Variants in CELF2 observed in about 807,000 individuals in gnomAD.
CELF2 encodes the protein CUGBP Elav-like family member 2, also known as CUG triplet repeat RNA-binding protein 2.
CELF2 carries 8 observed loss-of-function variants against 62.6 expected under a neutral mutation model. The ratio of observed to expected loss-of-function variants is 0.13; its 90% CI spans 0.07 to 0.23. CELF2 has a LOEUF of 0.23. Ranked by LOEUF, CELF2 falls within the 10% of genes least tolerant of loss-of-function variation. The pLI is 1.00. For synonymous variants in CELF2, 258 were observed against 250.0 expected (o/e 1.03, Z -0.30); for missense variants, 333 against 671.0 (o/e 0.50, Z 5.56).
intron 1 of CELF2, among the ~76,000 whole-genome samples, chr10:11,065,531 C>T (rs112011063): frequency 2.0e-5 from 3 of 152,220 alleles, no homozygotes; most frequent in African/African-American, 4.8e-5. Flanking sequence ...TAAGGAGCTC[C>T]AGTCGTTGTT....
chr10:11,315,012 AC>A lies in CELF2; in HGVS notation c.1096+756del, dbSNP rs1056122410. 2.0e-5 allele frequency among the ~76,000 whole-genome samples: 3 copies of A among 152,076 alleles called. No individual in the cohort carries two copies. Among genetic ancestry groups the A allele is most frequent in the African/African-American group, 7.2e-5 (3 of 41,428 alleles). Reference sequence around the variant, plus strand: ...GGTTCCGAAACATATGGATGGACTCACCAGAGAACTGCAGGTTCTGTCCTCC... The same window carrying A: ...GGTTCCGAAACATATGGATGGACTCACAGAGAACTGCAGGTTCTGTCCTCC... On this transcript the variant is annotated intron_variant, in intron 10 of 12. Transcript: ENST00000633077. The surrounding 1 kb of genome is among the most constrained non-coding windows in gnomAD (Gnocchi z 5.8).
intron 3 of CELF2, among the ~76,000 whole-genome samples, chr10:11,241,954 C>A (rs536641707): frequency 6.6e-6 from 1 of 152,274 alleles, no homozygotes; most frequent in East Asian, 1.9e-4. Context: ...AGTCAATATA[C>A]AAGCGAGACA....
chr10:10,675,923 T>G, the CELF2 span, among the ~76,000 whole-genome samples: 1 of 152,228 alleles, frequency 6.6e-6, no homozygotes, highest in South Asian at 2.1e-4. Context: ...TTAAATTCCC[T>G]CTCTGATAAT....
At chr10:10,623,932 G>C in the CELF2 span, among the ~76,000 whole-genome samples, 1 of 152,212 alleles carries the variant, frequency 6.6e-6, no homozygotes, top group East Asian at 1.9e-4. Flanking sequence ...CAGGTAGTCT[G>C]ACTGCAGAGA....
the CELF2 span, among the ~76,000 whole-genome samples, chr10:10,688,770 C>A: frequency 1.3e-5 from 2 of 151,938 alleles, no homozygotes; most frequent in African/African-American, 2.4e-5. Flanking sequence ...CACTTAGAGA[C>A]AAGAGTGTCA....
intron 7 of CELF2, among the ~76,000 whole-genome samples, chr10:11,272,768 A>T (rs190180507): frequency 4.7e-4 from 71 of 152,346 alleles, no homozygotes; most frequent in African/African-American, 1.5e-3. Flanking sequence ...GCCTTGAGTG[A>T]TAGATTCTGA....
chr10:10,689,690 G>A, the CELF2 span, among the ~76,000 whole-genome samples: 57 of 152,168 alleles, frequency 3.7e-4, no homozygotes, highest in East Asian at 3.9e-4. Context: ...CAGATTCACC[G>A]AAGAACCTGG....
intron 1 of CELF2, among the ~76,000 whole-genome samples, chr10:10,885,548 A>G (rs1375759421): frequency 6.6e-6 from 1 of 152,036 alleles, no homozygotes; most frequent in Non-Finnish European, 1.5e-5. Context: ...AGCTCACAGA[A>G]CAGTTTTTTT....
intron 1 of CELF2, among the ~76,000 whole-genome samples, chr10:11,038,983 GTCT>G (rs1269813003): frequency 2.6e-5 from 4 of 152,334 alleles, no homozygotes; most frequent in African/African-American, 9.6e-5. Flanking sequence ...AAAGCCAGCA[GTCT>G]TCTTGTTTCA....
chr10:10,648,906 C>T, the CELF2 span, among the ~76,000 whole-genome samples: 2 of 152,110 alleles, frequency 1.3e-5, no homozygotes, highest in African/African-American at 4.8e-5. Context: ...AGGGGCGCAC[C>T]GCTTACAGAT....
At chr10:11,034,723 A>T (rs984213907) in intron 1 of CELF2, among the ~76,000 whole-genome samples, 4 of 152,166 alleles carry the variant, frequency 2.6e-5, no homozygotes, top group African/African-American at 9.7e-5. Context: ...GTCAGGTTGA[A>T]TCTGGTATGA....
chr10:11,267,159 A>C lies in CELF2; in HGVS notation c.618+482A>C, dbSNP rs749682548. ...TCAAACAGCATTGTGTTTTTACATC[A>C]AGAATGTTGGAGAAAGTTAATATTT... On this transcript the variant is annotated intron_variant, in intron 6 of 12. Coordinates refer to ENST00000633077, the MANE Select transcript of CELF2 (RefSeq NM_001326342.2). The surrounding 1 kb of genome is among the most constrained non-coding windows in gnomAD (Gnocchi z 4.4). Among the ~76,000 whole-genome samples, 4 of 152,232 alleles carry C rather than the reference A, an allele frequency of 2.6e-5. No homozygotes were observed. The highest frequency in any genetic ancestry group is 4.4e-5 in the Non-Finnish European group (3 of 68,040).
In CELF2 at chr10:11,333,256, G is replaced by GAGAC. The variant is rs1455321820; in HGVS notation, c.*4205_*4208dup. ...CTTCTCCAAAAAATAACCTTCCACAGAGACAAACTGTCCTTCTATCCACTT... is the reference window on the plus strand; with the variant it reads ...CTTCTCCAAAAAATAACCTTCCACAGAGACAGACAAACTGTCCTTCTATCCACTT... On this transcript the variant is annotated 3_prime_UTR_variant, in exon 13 of 13. Coordinates refer to ENST00000633077, the MANE Select transcript of CELF2 (RefSeq NM_001326342.2). The GAGAC allele has an allele frequency of 6.6e-6, 1 of 152,390 alleles. No individual in the cohort carries two copies. The highest frequency in any genetic ancestry group is 1.5e-5 in the Non-Finnish European group (1 of 68,030). The allele number at this position is 152,390 out of a possible 1,614,324, so 9.4% of individuals were successfully genotyped here.
intron 2 of CELF2, among the ~76,000 whole-genome samples, chr10:11,170,866 C>A (rs192825937): frequency 3.9e-5 from 6 of 152,130 alleles, no homozygotes; most frequent in Non-Finnish European, 8.8e-5. Flanking sequence ...TCTGAGAAAG[C>A]GTGTTCTATA....
At chr10:10,528,162 TG>T in the CELF2 span, among the ~76,000 whole-genome samples, 1 of 151,154 alleles carries the variant, frequency 6.6e-6, no homozygotes, top group South Asian at 2.1e-4. Context: ...TCCTGTTTTG[TG>T]TGTGTGTGTG....
chr10:10,522,833 G>T, the CELF2 span, among the ~76,000 whole-genome samples: 1 of 152,176 alleles, frequency 6.6e-6, no homozygotes, highest in Non-Finnish European at 1.5e-5. Context: ...GCCTCCCAAA[G>T]TGCTGGGATT....
At chr10:11,067,196 A>G (rs927391847) in intron 1 of CELF2, among the ~76,000 whole-genome samples, 1 of 152,204 alleles carries the variant, frequency 6.6e-6, no homozygotes, top group African/African-American at 2.4e-5. Flanking sequence ...AATGAGTTCT[A>G]AGGAGGAAGC....
rs1477611505 is a variant in CELF2, at chr10:11,330,652, A to G, written c.*1599A>G. 6.6e-6 allele frequency: 1 copy of G among 152,652 alleles called. No individual in the cohort carries two copies. The highest frequency in any genetic ancestry group is 1.5e-5 in the Non-Finnish European group (1 of 68,048). The allele number at this position is 152,652 out of a possible 1,614,324, so 9.5% of individuals were successfully genotyped here. ...TCTAGCTATGAATTCTGGGAAGTCA[A>G]TGTGAAAAACATTGCTGCATTCATG... On this transcript the variant is annotated 3_prime_UTR_variant, in exon 13 of 13. Coordinates refer to ENST00000633077, the MANE Select transcript of CELF2 (RefSeq NM_001326342.2). This position sits in a 1 kb window ranked among gnomAD's most constrained non-coding sequence, Gnocchi z 4.5.
chr10:10,560,855 C>T, the CELF2 span, among the ~76,000 whole-genome samples: 2 of 152,092 alleles, frequency 1.3e-5, no homozygotes. Context: ...AATGAATTAA[C>T]AGCATTTTCA....
Sources: allele counts gnomAD v4.1 joint callset (sites outside exome capture counted in the v4.1 genomes callset), GRCh38; gene constraint gnomAD v4.1.1; non-coding constraint Gnocchi (gnomAD v3.1); transcripts MANE v1.5; gene names NCBI Gene and HGNC (gene_info 2026-07-23, HGNC 2026-07-21).